The following PAX5 variants were observed in gnomAD, a reference collection of about 807,000 sequenced individuals.
PAX5 encodes the protein paired box protein Pax-5.
Under a neutral mutation model 43.7 loss-of-function variants are expected in PAX5, and 9 were observed. The ratio of observed to expected loss-of-function variants is 0.21; its 90% CI spans 0.12 to 0.36. The LOEUF (loss-of-function observed/expected upper bound fraction) is 0.36, where lower values mean the gene tolerates loss of function less well. Among genes scored for constraint, PAX5 ranks in the 10% least tolerant of loss-of-function variants. The probability of loss-of-function intolerance (pLI) is 1.00; values close to 1 mark genes in which losing one functional copy is unlikely to be tolerated. For missense variants in PAX5, 383 were observed against 532.7 expected, an observed-to-expected ratio of 0.72 and a Z score of 2.77; for synonymous variants, 228 against 214.3, an observed-to-expected ratio of 1.06 and a Z score of -0.56.
chr9:37,029,060 T>C (rs530463483), intron 1 of PAX5, among the ~76,000 whole-genome samples: 1 of 152,290 alleles, frequency 6.6e-6, no homozygotes, highest in African/African-American at 2.4e-5. Flanking sequence ...CCCCAGCAAC[T>C]CATGGGAGTG....
chr9:36,936,325 A>G (rs1000506450), intron 6 of PAX5, among the ~76,000 whole-genome samples: 1 of 152,226 alleles, frequency 6.6e-6, no homozygotes, highest in Non-Finnish European at 1.5e-5. Context: ...CACCTGCTAC[A>G]GCTCTGCCTG....
At chr9:36,924,793 GA>G (rs1830498605) in intron 6 of PAX5, among the ~76,000 whole-genome samples, 1 of 49,796 alleles carries the variant, frequency 2.0e-5, no homozygotes. Flanking sequence ...AAGAGAAAGG[GA>G]GGGAGGGAGG....
intron 1 of PAX5, among the ~76,000 whole-genome samples, chr9:37,031,752 C>T (rs568199741): frequency 6.6e-6 from 1 of 152,286 alleles, no homozygotes; most frequent in East Asian, 1.9e-4. Context: ...TTAAGTGGCT[C>T]CCTGCTTAGT....
intron 7 of PAX5, among the ~76,000 whole-genome samples, chr9:36,894,520 G>A (rs143328991): frequency 5.1e-4 from 77 of 152,330 alleles, no homozygotes; most frequent in African/African-American, 1.7e-3. Context: ...GAGCCACAGG[G>A]CTGGTGGTCT....
intron 7 of PAX5, among the ~76,000 whole-genome samples, chr9:36,916,104 G>T (rs1006844924): frequency 1.3e-5 from 2 of 151,014 alleles, no homozygotes; most frequent in African/African-American, 4.9e-5. Flanking sequence ...GTTTTATTAT[G>T]ACTTCATTTT....
At chr9:37,030,747 C>T (rs917149363) in intron 1 of PAX5, among the ~76,000 whole-genome samples, 1 of 152,228 alleles carries the variant, frequency 6.6e-6, no homozygotes, top group African/African-American at 2.4e-5. Context: ...CTCCCGGCTT[C>T]CCTTTCCACG....
rs1821516311 is a variant in PAX5 at position 36,834,640 on chromosome 9, T to C, written c.*5920A>G. 4.3e-6 allele frequency: 1 copy of C among 233,354 alleles called. No homozygotes were observed. The highest frequency in any genetic ancestry group is 8.5e-6 in the Non-Finnish European group (1 of 118,070). 14.5% of individuals were successfully genotyped at this position (233,354 alleles called of 1,614,324 possible). A position where few individuals can be genotyped will look rare whatever the true frequency, so the allele number is the denominator to read the frequency against. On this transcript the variant is annotated 3_prime_UTR_variant, in exon 10 of 10. Transcript: ENST00000358127. ...ATACAATAAAATAGTTTCATTAAAA[T>C]GTATTCATGCTTGAAAAGAAGGGCG...
intron 5 of PAX5, among the ~76,000 whole-genome samples, chr9:36,967,726 G>A (rs542989051): frequency 2.0e-4 from 30 of 152,340 alleles, no homozygotes; most frequent in African/African-American, 6.7e-4. Flanking sequence ...GGAAGTGAGT[G>A]AGTGGAGGTG....
chr9:36,851,926 G>A lies in PAX5; in HGVS notation c.1013-4997C>T, dbSNP rs149777256. 3.7e-3 allele frequency among the ~76,000 whole-genome samples: 559 copies of A among 152,328 alleles called. 4 individuals carry two copies. The highest frequency in any genetic ancestry group is 0.012 in the African/African-American group (493 of 41,570). ...CTGTTGCCCAGAGCTGCCCACATTG[G>A]AGGAGAAGACAGAAAATGGCCTTTG... On this transcript the variant is annotated intron_variant, in intron 8 of 9. Transcript: ENST00000358127.
At chr9:36,895,880 C>T (rs1827818453) in intron 7 of PAX5, among the ~76,000 whole-genome samples, 1 of 152,194 alleles carries the variant, frequency 6.6e-6, no homozygotes. Context: ...TGGGAGGGAC[C>T]TACTGGATCT....
In PAX5 at chr9:36,840,171, T is replaced by G; in HGVS notation, c.*389A>C. On this transcript the variant is annotated 3_prime_UTR_variant, in exon 10 of 10. Transcript: ENST00000358127. ...GGCCCACAGAAAAGCAAGAAGGTAT[T>G]TACATGGGTGCTGCTGAAGCAACAA... 2.4e-6 allele frequency: 1 copy of G among 412,318 alleles called. No homozygotes were observed. The highest frequency in any genetic ancestry group is 4.4e-6 in the Non-Finnish European group (1 of 225,026). The allele number at this position is 412,318 out of a possible 1,614,324, so 25.5% of individuals were successfully genotyped here.
At chr9:36,871,837 C>A (rs1022201106) in intron 8 of PAX5, among the ~76,000 whole-genome samples, 10 of 152,246 alleles carry the variant, frequency 6.6e-5, no homozygotes, top group African/African-American at 2.4e-4. Context: ...GCACTGCACA[C>A]TTCCCAGGCG....
chr9:36,843,999 T>A (rs895057450), intron 9 of PAX5, among the ~76,000 whole-genome samples: 4 of 152,344 alleles, frequency 2.6e-5, no homozygotes, highest in Admixed American at 2.0e-4. Context: ...CATGCCTACC[T>A]CTTTTTGTCC....
intron 9 of PAX5, among the ~76,000 whole-genome samples, chr9:36,845,761 C>G (rs1041967107): frequency 6.6e-6 from 1 of 152,192 alleles, no homozygotes; most frequent in Non-Finnish European, 1.5e-5. Context: ...GATTACATGG[C>G]CTTTTTCACA....
chr9:36,899,775 C>T (rs1386334687), intron 7 of PAX5, among the ~76,000 whole-genome samples: 1 of 152,202 alleles, frequency 6.6e-6, no homozygotes, highest in Non-Finnish European at 1.5e-5. Flanking sequence ...ACAGCCCCCA[C>T]CCCATGGCCT....
intron 1 of PAX5, chr9:37,026,565 T>C: frequency 1.5e-6 from 2 of 1,340,262 alleles, no homozygotes; most frequent in Non-Finnish European, 2.0e-6. Context: ...GTGCTTACAG[T>C]GTATTTCCAT....
chr9:36,909,682 G>A (rs1019669932), intron 7 of PAX5, among the ~76,000 whole-genome samples: 3 of 152,112 alleles, frequency 2.0e-5, no homozygotes, highest in African/African-American at 7.2e-5. Flanking sequence ...TGGGGTGTGG[G>A]GTAAACAGGA....
intron 8 of PAX5, among the ~76,000 whole-genome samples, chr9:36,860,382 C>G (rs1307854692): frequency 6.6e-6 from 1 of 152,046 alleles, no homozygotes; most frequent in Non-Finnish European, 1.5e-5. Context: ...TCCAGATGAC[C>G]AGGCCATATC....
Position 36,848,350 on chromosome 9 carries a change from C to CCACACACACACACACACACACACA in PAX5, c.1013-1445_1013-1422dup, listed in dbSNP as rs55793420. ...CCTCACAACCACAGGCAGAGCGTGT[C>CCACACACACACACACACACACACA]CACACACACACACACACACACACAC... On this transcript the variant is annotated intron_variant, in intron 8 of 9. Transcript: ENST00000358127. 5.4e-3 allele frequency among the ~76,000 whole-genome samples: 733 copies of CCACACACACACACACACACACACA among 136,422 alleles called. 11 individuals carry two copies. The highest frequency in any genetic ancestry group is 0.018 in the African/African-American group (623 of 35,124). The allele number at this position is 136,422 out of a possible 152,430, so 89.5% of individuals were successfully genotyped here. A position where few individuals can be genotyped will look rare whatever the true frequency, so the allele number is the denominator to read the frequency against.
Sources: gnomAD v4.1 joint callset for allele counts (sites outside exome capture counted in the v4.1 genomes callset) on GRCh38, gnomAD v4.1.1 for gene constraint, MANE v1.5 for transcripts, NCBI Gene and HGNC (gene_info 2026-07-23, HGNC 2026-07-21) for gene names.